The following COL21A1 variants were observed in gnomAD, a reference collection of about 807,000 sequenced individuals.
The protein encoded by COL21A1 is collagen alpha-1(XXI) chain.
A neutral mutation model predicts 137.9 loss-of-function variants in COL21A1; 149 were observed. The ratio of observed to expected loss-of-function variants is 1.08; its 90% CI spans 0.95 to 1.24. The LOEUF (loss-of-function observed/expected upper bound fraction) is 1.24, where lower values mean the gene tolerates loss of function less well. Ranked by LOEUF, COL21A1 falls within the 50% of genes most tolerant of loss-of-function variation. The probability of loss-of-function intolerance (pLI) is 0.00; values close to 1 mark genes in which losing one functional copy is unlikely to be tolerated. For synonymous variants in COL21A1, 456 were observed against 391.5 expected (o/e 1.16, Z -1.95); for missense variants, 1,167 against 1,158.4 (o/e 1.01, Z -0.11).
chr6:56,101,510 G>A lies in COL21A1; in HGVS notation c.1774C>T (p.Pro592Ser), dbSNP rs746174950. Residue 592 changes from proline to serine, a missense_variant, in exon 17 of 30, where the codon CCT becomes TCT. Transcript: ENST00000244728. ...GTTCCATCCTGCCCCGGAGCACCAG[G>A]GGATCCTGCTTCTCCCTTTTAATGA... ...SPGFKGEAGSPGAPGQDGTRG... is the reference protein window; with the variant it reads ...SPGFKGEAGSSGAPGQDGTRG... 2.5e-6 allele frequency: 4 copies of A among 1,592,428 alleles called. No individual in the cohort carries two copies. Among genetic ancestry groups the A allele is most frequent in the Admixed American group, 3.5e-5 (2 of 57,334 alleles).
intron 3 of COL21A1, among the ~76,000 whole-genome samples, chr6:56,173,008 G>T (rs1461164165): frequency 6.6e-6 from 1 of 151,876 alleles, no homozygotes; most frequent in African/African-American, 2.4e-5. Flanking sequence ...AGGAAAGACA[G>T]AAAATAATTA....
At chr6:56,145,363 T>C (rs529184267) in intron 10 of COL21A1, among the ~76,000 whole-genome samples, 1 of 152,314 alleles carries the variant, frequency 6.6e-6, no homozygotes, top group Non-Finnish European at 1.5e-5. Flanking sequence ...AATGCTGTTT[T>C]AGAAGCTACA....
intron 1 of COL21A1, among the ~76,000 whole-genome samples, chr6:56,340,783 G>A (rs1365246982): frequency 6.6e-6 from 1 of 152,166 alleles, no homozygotes; most frequent in African/African-American, 2.4e-5. Context: ...ATATCCACAA[G>A]TGATTTTAGA....
chr6:56,229,695 A>T (rs553512706), intron 1 of COL21A1, among the ~76,000 whole-genome samples: 7 of 151,918 alleles, frequency 4.6e-5, no homozygotes, highest in Non-Finnish European at 8.8e-5. Flanking sequence ...AAGGGTAAAG[A>T]GCTCTGGAGG....
At chr6:56,357,903 C>T (rs1405061442) in intron 1 of COL21A1, among the ~76,000 whole-genome samples, 3 of 152,106 alleles carry the variant, frequency 2.0e-5, no homozygotes, top group Non-Finnish European at 4.4e-5. Flanking sequence ...ACAAGAACCT[C>T]AACAATTCTG....
intron 3 of COL21A1, among the ~76,000 whole-genome samples, chr6:56,177,717 G>T (rs56981831): frequency 0.1 from 15,721 of 150,504 alleles, 1,070 homozygotes; most frequent in South Asian, 0.24. Context: ...GCATGAACCC[G>T]GGAGGCGGAG....
intron 1 of COL21A1, among the ~76,000 whole-genome samples, chr6:56,206,052 A>T (rs1018450605): frequency 1.3e-5 from 2 of 152,208 alleles, no homozygotes; most frequent in Admixed American, 6.5e-5. Context: ...AAGACCATTG[A>T]CACTATGAAG....
At chr6:56,258,285 G>A (rs1434429249) in intron 1 of COL21A1, among the ~76,000 whole-genome samples, 1 of 151,972 alleles carries the variant, frequency 6.6e-6, no homozygotes, top group African/African-American at 2.4e-5. Context: ...TAAATACTTA[G>A]ACTTTAGCCC....
chr6:56,147,683 T>C (rs1774942046), intron 10 of COL21A1, among the ~76,000 whole-genome samples: 1 of 152,164 alleles, frequency 6.6e-6, no homozygotes, highest in Non-Finnish European at 1.5e-5. Flanking sequence ...CACACATTAT[T>C]ATATATACTA....
chr6:56,240,867 G>T (rs531060160), intron 1 of COL21A1, among the ~76,000 whole-genome samples: 93 of 152,190 alleles, frequency 6.1e-4, no homozygotes, highest in African/African-American at 2.1e-3. Flanking sequence ...GTGTAGAAAT[G>T]ACACATAATT....
chr6:56,221,802 C>T (rs1387047076), intron 1 of COL21A1, among the ~76,000 whole-genome samples: 2 of 152,080 alleles, frequency 1.3e-5, no homozygotes, highest in Non-Finnish European at 2.9e-5. Context: ...TATTCTTTTA[C>T]TATCAGTGTT....
At chr6:56,278,255 T>C (rs1763713373) in intron 1 of COL21A1, among the ~76,000 whole-genome samples, 1 of 152,166 alleles carries the variant, frequency 6.6e-6, no homozygotes, top group Non-Finnish European at 1.5e-5. Flanking sequence ...CTAAAATAAA[T>C]GGTGGGATGT....
At chr6:56,284,398 C>T (rs562639452) in intron 1 of COL21A1, among the ~76,000 whole-genome samples, 8 of 152,252 alleles carry the variant, frequency 5.3e-5, no homozygotes, top group African/African-American at 1.9e-4. Flanking sequence ...CACACTTGAA[C>T]GCACAATCTG....
chr6:56,315,964 G>T (rs1764722190), intron 1 of COL21A1, among the ~76,000 whole-genome samples: 1 of 152,170 alleles, frequency 6.6e-6, no homozygotes. Context: ...AAACATCACA[G>T]TGAATACCTT....
chr6:56,300,185 G>A (rs1764247231), intron 1 of COL21A1, among the ~76,000 whole-genome samples: 2 of 152,046 alleles, frequency 1.3e-5, no homozygotes, highest in Non-Finnish European at 2.9e-5. Context: ...CCTTCTAAAT[G>A]TGTGTATAAT....
At chr6:56,172,628 A>C (rs947264952) in intron 3 of COL21A1, among the ~76,000 whole-genome samples, 2 of 152,166 alleles carry the variant, frequency 1.3e-5, no homozygotes, top group Non-Finnish European at 2.9e-5. Context: ...AGACAGACAC[A>C]CAATATTATA....
At chr6:56,275,793 C>T (rs866052174) in intron 1 of COL21A1, among the ~76,000 whole-genome samples, 6 of 152,102 alleles carry the variant, frequency 3.9e-5, no homozygotes, top group African/African-American at 1.4e-4. Context: ...ATGACTTCAG[C>T]GACTGTAGAA....
chr6:56,393,815 C>T (rs1453864182), intron 1 of COL21A1, among the ~76,000 whole-genome samples: 1 of 152,180 alleles, frequency 6.6e-6, no homozygotes. Context: ...ACTGGCGGAC[C>T]TGGCAATACA....
At chr6:56,143,266 T>C (rs1774568559) in intron 10 of COL21A1, among the ~76,000 whole-genome samples, 1 of 147,604 alleles carries the variant, frequency 6.8e-6, no homozygotes, top group South Asian at 2.2e-4. Flanking sequence ...AGTGGTGCAA[T>C]CTCGGCTCAC....
Sources: gnomAD v4.1 joint callset for allele counts (sites outside exome capture counted in the v4.1 genomes callset) on GRCh38, gnomAD v4.1.1 for gene constraint, MANE v1.5 for transcripts, NCBI Gene and HGNC (gene_info 2026-07-23, HGNC 2026-07-21) for gene names.